The following NKAIN3 variants were observed in gnomAD, a reference collection of about 807,000 sequenced individuals.
NKAIN3 encodes the protein sodium/potassium transporting ATPase interacting 3, also known as sodium/potassium-transporting ATPase subunit beta-1-interacting protein 3.
A neutral mutation model predicts 30.2 loss-of-function variants in NKAIN3; 25 were observed. The observed-to-expected ratio is 0.83, with a 90% confidence interval of 0.60 to 1.16. The LOEUF (loss-of-function observed/expected upper bound fraction) is 1.16. Ranked by LOEUF, NKAIN3 falls within the 50% of genes most tolerant of loss-of-function variation. The pLI is 0.00. For missense variants in NKAIN3, 225 were observed against 254.1 expected (o/e 0.89, Z 0.78); for synonymous variants, 91 against 89.6 (o/e 1.02, Z -0.09).
intron 4 of NKAIN3, among the ~76,000 whole-genome samples, chr8:62,887,388 T>C (rs1236695464): frequency 6.6e-6 from 1 of 152,156 alleles, no homozygotes; most frequent in Non-Finnish European, 1.5e-5. Flanking sequence ...GCTTCTTGGA[T>C]CTGTGGGTTG....
rs78116680 is a variant in NKAIN3, at chr8:62,952,955, A to G, written c.533-947A>G. ...GATTTGAGAAGTCTTACAATTTTGT[A>G]GTGTCTATATTTGGTGAAAAGAATC... On this transcript the variant is annotated intron_variant, in intron 5 of 6. Transcript: ENST00000623646. 6.7e-3 allele frequency among the ~76,000 whole-genome samples: 1,016 copies of G among 152,270 alleles called. 6 individuals are homozygous for G. Among genetic ancestry groups the G allele is most frequent in the Non-Finnish European group, 0.012 (798 of 68,012 alleles).
chr8:62,633,917 G>T (rs78957471), intron 3 of NKAIN3, among the ~76,000 whole-genome samples: 1 of 152,040 alleles, frequency 6.6e-6, no homozygotes, highest in Non-Finnish European at 1.5e-5. Context: ...CAGCTGATGC[G>T]GGCAATAAGG....
chr8:62,964,514 A>G (rs1823648840), intron 6 of NKAIN3, among the ~76,000 whole-genome samples: 1 of 147,438 alleles, frequency 6.8e-6, no homozygotes. Context: ...AAACAGAACC[A>G]GTAGAGAAAG....
chr8:62,472,028 TA>T (rs55865884), intron 1 of NKAIN3, among the ~76,000 whole-genome samples: 125 of 140,394 alleles, frequency 8.9e-4, no homozygotes, highest in Middle Eastern at 7.5e-3. Flanking sequence ...AGACTCTGTT[TA>T]AAAAAAAAAA....
chr8:62,533,371 G>A (rs1410339847), intron 1 of NKAIN3, among the ~76,000 whole-genome samples: 1 of 152,224 alleles, frequency 6.6e-6, no homozygotes, highest in Non-Finnish European at 1.5e-5. Flanking sequence ...GGAACAAACT[G>A]TAGAACATAG....
At chr8:62,488,564 A>G (rs897296428) in intron 1 of NKAIN3, among the ~76,000 whole-genome samples, 5 of 152,190 alleles carry the variant, frequency 3.3e-5, no homozygotes, top group African/African-American at 4.8e-5. Context: ...ATGAATGAAT[A>G]CATGAGGAAA....
chr8:62,327,609 A>G (rs1285864623), intron 1 of NKAIN3, among the ~76,000 whole-genome samples: 1 of 152,046 alleles, frequency 6.6e-6, no homozygotes, highest in Non-Finnish European at 1.5e-5. Flanking sequence ...TCTTTTCAAC[A>G]ATGTTTGACC....
intron 1 of NKAIN3, among the ~76,000 whole-genome samples, chr8:62,377,906 C>A (rs1250342889): frequency 6.6e-6 from 1 of 152,094 alleles, no homozygotes; most frequent in African/African-American, 2.4e-5. Context: ...TGGACTAATA[C>A]AGTAAATTGA....
chr8:62,318,675 G>A (rs899183273), intron 1 of NKAIN3, among the ~76,000 whole-genome samples: 8 of 152,208 alleles, frequency 5.3e-5, no homozygotes, highest in African/African-American at 1.9e-4. Context: ...GCATCCCAGG[G>A]TTGAAGCCCA....
At chr8:62,320,364 A>G (rs1471952688) in intron 1 of NKAIN3, among the ~76,000 whole-genome samples, 2 of 152,046 alleles carry the variant, frequency 1.3e-5, no homozygotes, top group Non-Finnish European at 2.9e-5. Context: ...TGTGTATTTG[A>G]TCCTGTCATT....
At chr8:62,620,743 G>A (rs1472702852) in intron 3 of NKAIN3, among the ~76,000 whole-genome samples, 2 of 152,044 alleles carry the variant, frequency 1.3e-5, no homozygotes, top group Admixed American at 1.3e-4. Flanking sequence ...TTATGTATCA[G>A]GTCTTTTTCT....
At chr8:62,829,714 T>G (rs1379802572) in intron 4 of NKAIN3, among the ~76,000 whole-genome samples, 1 of 147,820 alleles carries the variant, frequency 6.8e-6, no homozygotes, top group African/African-American at 2.5e-5. Flanking sequence ...CTAAATTTAT[T>G]TTGTTGTTTG....
intron 4 of NKAIN3, among the ~76,000 whole-genome samples, chr8:62,816,005 T>C (rs113722760): frequency 0.011 from 1,611 of 152,356 alleles, 22 homozygotes; most frequent in South Asian, 0.031. Context: ...AAGATTGTCA[T>C]TTTGAATTCC....
chr8:62,673,561 A>G (rs1162305499), intron 3 of NKAIN3, among the ~76,000 whole-genome samples: 1 of 152,212 alleles, frequency 6.6e-6, no homozygotes, highest in African/African-American at 2.4e-5. Flanking sequence ...AGCTATAGTC[A>G]TGCATCACTT....
intron 1 of NKAIN3, among the ~76,000 whole-genome samples, chr8:62,477,550 TTATATGTGCA>T (rs1271319059): frequency 6.6e-6 from 1 of 152,162 alleles, no homozygotes; most frequent in Admixed American, 6.5e-5. Flanking sequence ...GCCATTCCTT[TTATATGTGCA>T]TATATGGAGC....
Position 62,966,042 on chromosome 8 carries a change from T to C in NKAIN3, c.*635T>C, listed in dbSNP as rs745759939. 131 of 984,026 alleles carry C rather than the reference T, an allele frequency of 1.3e-4. 1 individual carries two copies. The highest frequency in any genetic ancestry group is 2.3e-4 in the East Asian group (2 of 8,808). 61.0% of individuals were successfully genotyped at this position (984,026 alleles called of 1,614,324 possible). ...TGCATATCTTGTTTTTCCTGATATA[T>C]ATATATATGTAGGCACATGGAAGAG... On this transcript the variant is annotated 3_prime_UTR_variant, in exon 7 of 7. Coordinates refer to ENST00000623646, the MANE Select transcript of NKAIN3 (RefSeq NM_001304533.3).
downstream of NKAIN3, among the ~76,000 whole-genome samples, chr8:62,987,538 G>T (rs554939180): frequency 6.6e-6 from 1 of 152,132 alleles, no homozygotes; most frequent in Non-Finnish European, 1.5e-5. Flanking sequence ...TTACATAGCA[G>T]CAGGGAAGAG....
chr8:62,861,041 C>A (rs1373753369), intron 4 of NKAIN3, among the ~76,000 whole-genome samples: 1 of 152,164 alleles, frequency 6.6e-6, no homozygotes, highest in East Asian at 1.9e-4. Context: ...GTAGTGGCTG[C>A]CTAGCTAGAT....
rs552858379 is a variant in NKAIN3 at position 62,840,777 on chromosome 8, A to T, written c.472-77676A>T. 2.6e-5 allele frequency among the ~76,000 whole-genome samples: 4 copies of T among 152,268 alleles called. No individual in the cohort carries two copies. In the East Asian group the frequency reaches 7.7e-4, roughly 29 times the overall value. On this transcript the variant is annotated intron_variant, in intron 4 of 6. Coordinates refer to ENST00000623646, the MANE Select transcript of NKAIN3 (RefSeq NM_001304533.3). ...TAAAGGAAAAATATAACTATGGCAA[A>T]GGAAGGGGAAAATGTCTCTATTGAA...
Sources: gnomAD v4.1 joint callset for allele counts (sites outside exome capture counted in the v4.1 genomes callset) on GRCh38, gnomAD v4.1.1 for gene constraint, MANE v1.5 for transcripts, NCBI Gene and HGNC (gene_info 2026-07-23, HGNC 2026-07-21) for gene names.